Variants in ASB15 observed in about 807,000 individuals in gnomAD.
ASB15 encodes the protein ankyrin repeat and SOCS box protein 15.
ASB15 carries 54 observed loss-of-function variants against 58.0 expected under a neutral mutation model. The observed-to-expected ratio is 0.93, with a 90% CI of 0.75 to 1.17. The LOEUF (loss-of-function observed/expected upper bound fraction) is 1.17. ASB15 is among the 50% of genes most tolerant of loss of function. ASB15 has a pLI of 0.00. For synonymous variants in ASB15, 249 were observed against 262.4 expected (o/e 0.95, Z 0.50); for missense variants, 680 against 707.4 (o/e 0.96, Z 0.44).
At chr7:123,605,400 G>A (rs192343857) in intron 2 of ASB15, among the ~76,000 whole-genome samples, 6 of 152,288 alleles carry the variant, frequency 3.9e-5, no homozygotes, top group Admixed American at 3.9e-4. Flanking sequence ...TGGTGGGAAT[G>A]TAACTTAGTT....
intron 7 of ASB15, among the ~76,000 whole-genome samples, chr7:123,623,932 AAAG>A (rs1562935790): frequency 1.1e-3 from 20 of 18,302 alleles, no homozygotes; most frequent in African/African-American, 6.7e-3. Context: ...GAAAGAAAGA[AAAG>A]AAAGAAAGAA....
At chr7:123,625,184 A>G (rs1801694505) in intron 8 of ASB15, among the ~76,000 whole-genome samples, 2 of 152,152 alleles carry the variant, frequency 1.3e-5, no homozygotes, top group Admixed American at 1.3e-4. Context: ...GATCGTATTT[A>G]TCTCTAATTC....
chr7:123,615,319 G>A (rs1584780196), intron 4 of ASB15: 1 of 152,066 alleles, frequency 6.6e-6, no homozygotes, highest in African/African-American at 2.4e-5. Context: ...TTTACTTTTT[G>A]TTATAGTGTT....
At chr7:123,614,350 G>A in intron 3 of ASB15, 151 bp from the exon 4 acceptor site, 1 of 589,826 alleles carries the variant, frequency 1.7e-6, no homozygotes, top group Non-Finnish European at 3.0e-6. Flanking sequence ...CAAGTAATGT[G>A]GATTAAAATG....
intron 11 of ASB15, among the ~76,000 whole-genome samples, chr7:123,635,255 A>G (rs1050376305): frequency 6.6e-6 from 1 of 152,204 alleles, no homozygotes; most frequent in African/African-American, 2.4e-5. Context: ...GGTCTCCGGC[A>G]AAGTTCTATT....
At chr7:123,590,396 C>A (rs1165220295) in intron 1 of ASB15, among the ~76,000 whole-genome samples, 1 of 152,214 alleles carries the variant, frequency 6.6e-6, no homozygotes, top group East Asian at 1.9e-4. Context: ...AGTCTTTGCT[C>A]ACGCCTATGT....
In ASB15 at chr7:123,603,533, C is replaced by G. The variant is rs138771665; in HGVS notation, c.-244-499C>G. The stretch of plus-strand genomic sequence containing the variant: ...GTTTGTAGCTGGATAAACACCTTTT[C>G]TGGGAGGGTGCAAAATAATGGATCA... On this transcript the variant is annotated intron_variant, in intron 1 of 11. Transcript: ENST00000451215. Among the ~76,000 whole-genome samples, 44 of 150,644 alleles carry G rather than the reference C, an allele frequency of 2.9e-4. 1 individual carries two copies. Among genetic ancestry groups the G allele is most frequent in the African/African-American group, 1.1e-3 (44 of 40,082 alleles).
At chr7:123,604,778 A>G (rs1424891332) in intron 2 of ASB15, among the ~76,000 whole-genome samples, 2 of 152,110 alleles carry the variant, frequency 1.3e-5, no homozygotes, top group Non-Finnish European at 1.5e-5. Flanking sequence ...AGAAAATAAA[A>G]TGGGGGTGTC....
At chr7:123,632,620 C>T (rs576188631) in intron 11 of ASB15, among the ~76,000 whole-genome samples, 3 of 152,160 alleles carry the variant, frequency 2.0e-5, no homozygotes, top group African/African-American at 7.2e-5. Context: ...TCCTCAAAGT[C>T]CATTGTATCA....
chr7:123,616,558 A>G (rs1187156336), intron 6 of ASB15, 63 bp downstream of exon 6: 138 of 1,509,236 alleles, frequency 9.1e-5, no homozygotes, highest in Non-Finnish European at 1.2e-4. Flanking sequence ...TTGATGTTAT[A>G]AGTGTTTTCA....
chr7:123,610,526 G>T (rs1800380275), intron 3 of ASB15, among the ~76,000 whole-genome samples: 1 of 152,074 alleles, frequency 6.6e-6, no homozygotes, highest in Non-Finnish European at 1.5e-5. Flanking sequence ...AATATATTTG[G>T]CATTTAGCAT....
chr7:123,598,193 A>G (rs564604918), upstream of ASB15, among the ~76,000 whole-genome samples: 2 of 152,286 alleles, frequency 1.3e-5, no homozygotes, highest in South Asian at 4.2e-4. Flanking sequence ...CCCTGGAAGT[A>G]TAATATACTT....
chr7:123,604,679 T>C (rs1800053772), intron 2 of ASB15, among the ~76,000 whole-genome samples: 1 of 152,042 alleles, frequency 6.6e-6, no homozygotes, highest in African/African-American at 2.4e-5. Flanking sequence ...CAATTACTTA[T>C]TGGGCATGTT....
In ASB15 at chr7:123,637,878, T is replaced by TAAAAAAAAAAAAAAAGAAAAAAAAAAA. The variant is rs1802500874; in HGVS notation, c.*912_*913insGAAAAAAAAAAAAAAAAAAAAAAAAAA. The TAAAAAAAAAAAAAAAGAAAAAAAAAAA allele has an allele frequency of 3.8e-5, 2 of 52,468 alleles. 1 individual carries two copies. Among genetic ancestry groups the TAAAAAAAAAAAAAAAGAAAAAAAAAAA allele is most frequent in the Non-Finnish European group, 7.5e-5 (2 of 26,694 alleles). The allele number at this position is 52,468 out of a possible 1,614,324, so 3.3% of individuals were successfully genotyped here. A position where few individuals can be genotyped will look rare whatever the true frequency, so the allele number is the denominator to read the frequency against. On this transcript the variant is annotated 3_prime_UTR_variant, in exon 12 of 12. Coordinates refer to ENST00000451215, the MANE Select transcript of ASB15 (RefSeq NM_001290258.2). Reference sequence around the variant, plus strand: ...AAATTCAACATGTCCCCAGATGAACTAAAAAAAAAAAAAAAAAAAAAACCT... The same window carrying TAAAAAAAAAAAAAAAGAAAAAAAAAAA: ...AAATTCAACATGTCCCCAGATGAACTAAAAAAAAAAAAAAAGAAAAAAAAAAAAAAAAAAAAAAAAAAAAAAAAACCT...
At chr7:123,574,335 C>T (rs182774364) in intron 1 of ASB15, among the ~76,000 whole-genome samples, 81 of 152,158 alleles carry the variant, frequency 5.3e-4, no homozygotes, top group South Asian at 2.7e-3. Context: ...AAGACAGTGG[C>T]TCTCAAATTT....
chr7:123,619,941 C>T (rs2116558003), intron 7 of ASB15: 1 of 152,330 alleles, frequency 6.6e-6, no homozygotes, highest in South Asian at 2.1e-4. Flanking sequence ...TAACAAAAAA[C>T]AAAAATGCAT....
In ASB15 at chr7:123,605,646, T is replaced by C. The variant is rs1216651705; in HGVS notation, c.-64+1434T>C. On this transcript the variant is annotated intron_variant, in intron 2 of 11. Transcript: ENST00000451215. ...AAGATAATGTTGTACGTATACACCA[T>C]AGAATACTAGCCAGCCACAAAAAAG... 2.6e-5 allele frequency among the ~76,000 whole-genome samples: 4 copies of C among 152,174 alleles called. 1 individual carries two copies. The highest frequency in any genetic ancestry group is 4.1e-4 in the South Asian group (2 of 4,824).
At chr7:123,609,566 T>C (rs911338254) in intron 3 of ASB15, among the ~76,000 whole-genome samples, 3 of 152,184 alleles carry the variant, frequency 2.0e-5, no homozygotes, top group Non-Finnish European at 2.9e-5. Flanking sequence ...TTAGGACTCA[T>C]AGAGATGGTT....
At chr7:123,594,279 G>A (rs1799631304) in intron 1 of ASB15, among the ~76,000 whole-genome samples, 1 of 152,032 alleles carries the variant, frequency 6.6e-6, no homozygotes, top group Non-Finnish European at 1.5e-5. Context: ...GCCTACTTCT[G>A]TCAACTCGTC....
Sources: allele counts gnomAD v4.1 joint callset (sites outside exome capture counted in the v4.1 genomes callset), GRCh38; gene constraint gnomAD v4.1.1; transcripts MANE v1.5; gene names NCBI Gene and HGNC (gene_info 2026-07-23, HGNC 2026-07-21).